The following IGF2R variants were observed in gnomAD, a reference collection of about 807,000 sequenced individuals.
The protein encoded by IGF2R is insulin like growth factor 2 receptor.
A neutral mutation model predicts 270.6 loss-of-function variants in IGF2R; 91 were observed. That is an observed-to-expected ratio of 0.34 (90% CI 0.28 to 0.40). The LOEUF is 0.40. Among genes scored for constraint, IGF2R ranks in the 10% least tolerant of loss-of-function variants. IGF2R has a pLI of 1.00. For missense variants in IGF2R, 2,805 were observed against 3,188.3 expected (o/e 0.88, Z 2.90); for synonymous variants, 1,316 against 1,258.9 (o/e 1.05, Z -0.96).
chr6:160,071,968 C>T lies in IGF2R; in HGVS notation c.4502C>T (p.Pro1501Leu), dbSNP rs1178400877. The T allele has an allele frequency of 6.2e-7, 1 of 1,614,080 alleles. No individual in the cohort carries two copies. The highest frequency in any genetic ancestry group is 8.5e-7 in the Non-Finnish European group (1 of 1,179,982). ...GACTGTGAGTACACCTTTGCCTGGCCCACAGCCACAGCCTGTCCCATGAAG... is the reference window on the plus strand; with the variant it reads ...GACTGTGAGTACACCTTTGCCTGGCTCACAGCCACAGCCTGTCCCATGAAG... Reference protein sequence around the residue: ...VEDCEYTFAWPTATACPMKSN... With the variant: ...VEDCEYTFAWLTATACPMKSN... The change falls in exon 32 of 48, where the codon CCC (proline) becomes CTC (leucine). Residue 1501 changes from proline to leucine, a missense_variant. By Grantham distance (98) the Pro-to-Leu change is moderately conservative. Around this residue, in one of 2 missense-constraint regions of IGF2R, gnomAD observed 1,851 missense variants for 2,207.2 expected, o/e 0.84. Transcript: ENST00000356956.
chr6:159,997,072 G>A (rs1784064647), intron 2 of IGF2R, among the ~76,000 whole-genome samples: 1 of 152,204 alleles, frequency 6.6e-6, no homozygotes, highest in Non-Finnish European at 1.5e-5. Flanking sequence ...CCTGGCTCCT[G>A]GGCTGGAAGC....
At chr6:159,969,825 G>T (rs945987611) in intron 1 of IGF2R, among the ~76,000 whole-genome samples, 3 of 152,202 alleles carry the variant, frequency 2.0e-5, no homozygotes. Context: ...GAGGCCCCTC[G>T]GTGTGGAGAG....
At chr6:159,974,410 G>C (rs948987978) in intron 1 of IGF2R, among the ~76,000 whole-genome samples, 2 of 152,130 alleles carry the variant, frequency 1.3e-5, no homozygotes, top group African/African-American at 2.4e-5. Context: ...AGCTTTAGGA[G>C]CTCCTCATGT....
At chr6:160,032,388 C>G (rs1317021979) in intron 7 of IGF2R, among the ~76,000 whole-genome samples, 163 bp from the exon 8 acceptor site, 1 of 152,138 alleles carries the variant, frequency 6.6e-6, no homozygotes, top group African/African-American at 2.4e-5. Context: ...TGTTATAAGT[C>G]AAATAATCTT....
At chr6:160,061,702 C>T (rs751384014) in intron 24 of IGF2R, 51 bp from the exon 25 acceptor site, 1 of 1,613,436 alleles carries the variant, frequency 6.2e-7, no homozygotes, top group Non-Finnish European at 8.5e-7. Context: ...GAGCATTTGA[C>T]TCAAGGTCAT....
intron 4 of IGF2R, among the ~76,000 whole-genome samples, chr6:160,017,528 G>A (rs1402437402): frequency 6.6e-6 from 1 of 152,178 alleles, no homozygotes; most frequent in Non-Finnish European, 1.5e-5. Flanking sequence ...AAGGAAATAT[G>A]TTGCAAGGAG....
chr6:160,044,258 C>T (rs756994124), intron 12 of IGF2R, among the ~76,000 whole-genome samples: 48 of 152,288 alleles, frequency 3.2e-4, no homozygotes, highest in Non-Finnish European at 4.9e-4. Flanking sequence ...TCCTTCATGG[C>T]GCTTTCTGGC....
chr6:159,980,629 C>T (rs1014957651), intron 1 of IGF2R, among the ~76,000 whole-genome samples: 2 of 152,216 alleles, frequency 1.3e-5, no homozygotes, highest in Admixed American at 1.3e-4. Flanking sequence ...CACCACCTGG[C>T]GGTGGCCTCA....
chr6:159,977,549 C>A (rs1440970435), intron 1 of IGF2R, among the ~76,000 whole-genome samples: 1 of 152,224 alleles, frequency 6.6e-6, no homozygotes, highest in Non-Finnish European at 1.5e-5. Context: ...CAGCGTGTGG[C>A]CTGAGACGGG....
At chr6:159,997,547 C>T (rs1229034327) in intron 2 of IGF2R, among the ~76,000 whole-genome samples, 2 of 152,210 alleles carry the variant, frequency 1.3e-5, no homozygotes, top group Non-Finnish European at 2.9e-5. Flanking sequence ...GTTCGGGTAC[C>T]AGCAGTCGAC....
chr6:160,089,468 A>C (rs1388924652), intron 43 of IGF2R, among the ~76,000 whole-genome samples: 1 of 152,242 alleles, frequency 6.6e-6, no homozygotes, highest in African/African-American at 2.4e-5. Flanking sequence ...TGAGTGTAAA[A>C]ATAAATCCCC....
At chr6:160,078,006 T>C (rs556716482) in intron 36 of IGF2R, among the ~76,000 whole-genome samples, 195 bp from the exon 37 acceptor site, 1 of 152,228 alleles carries the variant, frequency 6.6e-6, no homozygotes, top group Admixed American at 6.5e-5. Context: ...GCTCACAGGA[T>C]GTGTAGGGGG....
chr6:159,993,357 A>G (rs1458594344), intron 2 of IGF2R, among the ~76,000 whole-genome samples: 1 of 152,180 alleles, frequency 6.6e-6, no homozygotes, highest in Non-Finnish European at 1.5e-5. Context: ...TAGAATATTC[A>G]TAGTTTCAGA....
chr6:159,969,478 G>T, intron 1 of IGF2R, 83 bp downstream of exon 1: 1 of 1,025,646 alleles, frequency 9.7e-7, no homozygotes, highest in Non-Finnish European at 1.2e-6. Flanking sequence ...CGCTCGAGGA[G>T]CTCCTGGGGT....
At chr6:160,067,987 A>G (rs775010827) in intron 29 of IGF2R, among the ~76,000 whole-genome samples, 1 of 150,794 alleles carries the variant, frequency 6.6e-6, no homozygotes, top group Non-Finnish European at 1.5e-5. Flanking sequence ...TAAAATTTAA[A>G]TTTTTTTTTA....
intron 20 of IGF2R, 109 bp from the exon 21 acceptor site, chr6:160,057,914 C>G: frequency 1.5e-6 from 1 of 672,820 alleles, no homozygotes; most frequent in Non-Finnish European, 2.7e-6. Flanking sequence ...AATGGAGAAA[C>G]AGTTTTGTCA....
chr6:160,098,475 G>T (rs561143691), intron 45 of IGF2R, among the ~76,000 whole-genome samples: 8 of 152,150 alleles, frequency 5.3e-5, no homozygotes, highest in African/African-American at 7.2e-5. Context: ...GTGGAATAGT[G>T]CCTGAGATTT....
At position 160,046,559 on chromosome 6, in the gene IGF2R, G is replaced by A. The variant is rs774680040; in HGVS notation, c.1965G>A (p.Lys655=). Residue 655 remains lysine (K), a synonymous_variant, in exon 15 of 48, where the codon AAG becomes AAA. Coordinates refer to ENST00000356956, the MANE Select transcript of IGF2R (RefSeq NM_000876.4). ...ATGGTGCCTATAAAGTTGAGACAAA[G>A]AAGTATGACTTTTATATAAATGTGT... ...KKNGAYKVET[K]KYDFYINVCG... is the part of the protein sequence containing the mutation. 1 of 1,614,036 alleles carries A rather than the reference G, an allele frequency of 6.2e-7. No individual in the cohort carries two copies. The highest frequency in any genetic ancestry group is 8.5e-7 in the Non-Finnish European group (1 of 1,179,990).
intron 39 of IGF2R, among the ~76,000 whole-genome samples, chr6:160,081,584 C>G (rs1046636078): frequency 6.6e-6 from 1 of 152,178 alleles, no homozygotes; most frequent in East Asian, 1.9e-4. Context: ...TTTCCAAATC[C>G]TAGCAAGCCT....
Sources: allele counts gnomAD v4.1 joint callset (sites outside exome capture counted in the v4.1 genomes callset), GRCh38; gene constraint gnomAD v4.1.1; regional missense constraint gnomAD v4.1.1; transcripts MANE v1.5; gene names NCBI Gene and HGNC (gene_info 2026-07-23, HGNC 2026-07-21).